Variants in ENTPD1 observed in about 807,000 individuals in gnomAD.
ENTPD1 encodes ATP diphosphohydrolase.
A neutral mutation model predicts 57.0 loss-of-function variants in ENTPD1; 33 were observed. That is an observed-to-expected ratio of 0.58 (90% CI 0.44 to 0.77). The LOEUF (loss-of-function observed/expected upper bound fraction) is 0.77, where lower values mean the gene tolerates loss of function less well. Ranked by LOEUF, ENTPD1 falls within the 30% of genes least tolerant of loss-of-function variation. ENTPD1 has a pLI of 0.00. For missense variants in ENTPD1, 501 were observed against 603.4 expected, an observed-to-expected ratio of 0.83 and a Z score of 1.78; for synonymous variants, 202 against 218.8, an observed-to-expected ratio of 0.92 and a Z score of 0.68.
intron 1 of ENTPD1, among the ~76,000 whole-genome samples, chr10:95,817,360 AG>A (rs2098333516): frequency 6.6e-6 from 1 of 152,176 alleles, no homozygotes; most frequent in Admixed American, 6.5e-5. Flanking sequence ...TCATTTGAGT[AG>A]CCTCAGCACA....
intron 3 of ENTPD1, among the ~76,000 whole-genome samples, chr10:95,840,402 G>T (rs1267101211): frequency 6.6e-6 from 1 of 152,192 alleles, no homozygotes; most frequent in African/African-American, 2.4e-5. Flanking sequence ...TAATCTGTCT[G>T]GTTCAGAGAT....
chr10:95,857,596 C>A (rs139497041), intron 7 of ENTPD1, among the ~76,000 whole-genome samples: 4 of 152,292 alleles, frequency 2.6e-5, no homozygotes, highest in Non-Finnish European at 4.4e-5. Context: ...ACAGGAAGAA[C>A]TTTTCCAGGC....
intron 1 of ENTPD1, among the ~76,000 whole-genome samples, chr10:95,771,656 T>C (rs915502098): frequency 1.3e-5 from 2 of 152,198 alleles, no homozygotes; most frequent in Non-Finnish European, 2.9e-5. Flanking sequence ...TGGCTCCCAC[T>C]TATCCCAAAC....
At chr10:95,709,393 G>GT (rs2097963812), upstream of ENTPD1, among the ~76,000 whole-genome samples, 1 of 149,668 alleles carries the variant, frequency 6.7e-6, no homozygotes. Flanking sequence ...TTTTTTCTTT[G>GT]TTTTTTTGAG....
intron 7 of ENTPD1, among the ~76,000 whole-genome samples, chr10:95,858,184 G>A (rs1344734908): frequency 2.0e-5 from 3 of 151,910 alleles, no homozygotes; most frequent in Admixed American, 1.3e-4. Flanking sequence ...TAACTGCTGG[G>A]AGGAAAGAGA....
Position 95,870,464 on chromosome 10 carries a change from A to G in ENTPD1, c.*4081A>G. ...TGTCTAGCTATTTTTTTTTCTGTAG[A>G]GACAGGGTTTTCCTATGTTGTCCAG... is the stretch of plus-strand genomic sequence containing the variant. On this transcript the variant is annotated 3_prime_UTR_variant, in exon 10 of 10. Transcript: ENST00000371205. 1.3e-6 allele frequency: 1 copy of G among 763,338 alleles called. No homozygotes were observed. Among genetic ancestry groups the G allele is most frequent in the Non-Finnish European group, 1.6e-6 (1 of 627,846 alleles). 47.3% of individuals were successfully genotyped at this position (763,338 alleles called of 1,614,324 possible).
rs985392428 is a variant in ENTPD1 at position 95,841,437 on chromosome 10, G to A, written c.263-907G>A. On this transcript the variant is annotated intron_variant, in intron 3 of 9. Transcript: ENST00000371205. ...TTCTTCTGAGACTTATCCCATGAGC[G>A]TTTGGCCTAACAATGAAGGATTCTT... 8.5e-5 allele frequency among the ~76,000 whole-genome samples: 13 copies of A among 152,096 alleles called. No homozygotes were observed. In the East Asian group the frequency reaches 1.4e-3, roughly 16 times the overall value.
At chr10:95,806,797 T>A (rs1050880922) in intron 1 of ENTPD1, among the ~76,000 whole-genome samples, 1 of 152,086 alleles carries the variant, frequency 6.6e-6, no homozygotes, top group Admixed American at 6.5e-5. Context: ...CAGACCCTGT[T>A]TGTCTGGGTA....
chr10:95,791,263 T>C lies in ENTPD1; in HGVS notation c.17-31974T>C, dbSNP rs2098202601. Among the ~76,000 whole-genome samples the C allele has an allele frequency of 6.6e-6, 1 of 152,130 alleles. No homozygotes were observed. Among genetic ancestry groups the C allele is most frequent in the Non-Finnish European group, 1.5e-5 (1 of 68,016 alleles). The stretch of plus-strand genomic sequence containing the variant: ...ATCTGCTATATTCAGTTCAGAGCAA[T>C]GTATTTTGAGAAGGACATTACAAAC... On this transcript the variant is annotated intron_variant, in intron 1 of 9. Transcript: ENST00000371205. The surrounding 1 kb of genome is among the most constrained non-coding windows in gnomAD (Gnocchi z 4.1).
At chr10:95,715,762 T>A (rs551331052) in intron 1 of ENTPD1, among the ~76,000 whole-genome samples, 2 of 152,318 alleles carry the variant, frequency 1.3e-5, no homozygotes, top group East Asian at 3.9e-4. Flanking sequence ...CATTATCTAA[T>A]TTCAGAACAT....
intron 1 of ENTPD1, among the ~76,000 whole-genome samples, chr10:95,775,471 A>C (rs190416120): frequency 0.034 from 5,145 of 152,296 alleles, 120 homozygotes; most frequent in Non-Finnish European, 0.049. Context: ...TGGGTTTGTC[A>C]TAAATAGCTC....
chr10:95,809,347 G>GC (rs1291963444), intron 1 of ENTPD1, among the ~76,000 whole-genome samples: 80 of 148,230 alleles, frequency 5.4e-4, no homozygotes, highest in Middle Eastern at 3.6e-3. Flanking sequence ...GGGCAGAGGC[G>GC]CCCCCCACCC....
intron 7 of ENTPD1, among the ~76,000 whole-genome samples, chr10:95,849,821 A>T (rs763796324): frequency 6.6e-6 from 1 of 152,182 alleles, no homozygotes; most frequent in Non-Finnish European, 1.5e-5. Context: ...TTCACCTTGG[A>T]CTTTTTTTTG....
intron 1 of ENTPD1, among the ~76,000 whole-genome samples, chr10:95,734,359 C>T (rs1345963199): frequency 2.0e-5 from 3 of 152,144 alleles, no homozygotes; most frequent in African/African-American, 7.2e-5. Context: ...ATTTTTTGGA[C>T]ACCTATATGT....
At position 95,876,656 on chromosome 10, in the gene ENTPD1, C is replaced by G; in HGVS notation, c.*10273C>G. On this transcript the variant is annotated 3_prime_UTR_variant, in exon 10 of 10. Coordinates refer to ENST00000371205, the MANE Select transcript of ENTPD1 (RefSeq NM_001776.6). ...TGTATTTGGCTGTCTTCTGGACAGG[C>G]CATTCTAATAACAGAAACAAACAAG... 7 of 1,227,054 alleles carry G rather than the reference C, an allele frequency of 5.7e-6. No homozygotes were observed. Among genetic ancestry groups the G allele is most frequent in the Non-Finnish European group, 7.1e-6 (7 of 985,366 alleles). The allele number at this position is 1,227,054 out of a possible 1,614,324, so 76.0% of individuals were successfully genotyped here. A position where few individuals can be genotyped will look rare whatever the true frequency, so the allele number is the denominator to read the frequency against.
intron 1 of ENTPD1, among the ~76,000 whole-genome samples, chr10:95,818,143 G>T (rs138601027): frequency 6.6e-6 from 1 of 152,226 alleles, no homozygotes; most frequent in East Asian, 1.9e-4. Flanking sequence ...GAGAATGAGG[G>T]GAATGGAATT....
At chr10:95,824,742 T>C (rs1308677392) in intron 2 of ENTPD1, among the ~76,000 whole-genome samples, 1 of 152,204 alleles carries the variant, frequency 6.6e-6, no homozygotes, top group Non-Finnish European at 1.5e-5. Context: ...CCCAAGAATA[T>C]GTGTGGTCAT....
At chr10:95,701,624 G>A in the ENTPD1 span, among the ~76,000 whole-genome samples, 1 of 151,480 alleles carries the variant, frequency 6.6e-6, no homozygotes, top group African/African-American at 2.4e-5. Context: ...TAAGCAAATA[G>A]TACTAATTAT....
At chr10:95,762,303 C>T (rs2098068213) in intron 1 of ENTPD1, among the ~76,000 whole-genome samples, 1 of 149,696 alleles carries the variant, frequency 6.7e-6, no homozygotes, top group East Asian at 2.0e-4. Flanking sequence ...TAACATAGCA[C>T]ATGCCCATTA....
Sources: allele counts gnomAD v4.1 joint callset (sites outside exome capture counted in the v4.1 genomes callset), GRCh38; gene constraint gnomAD v4.1.1; non-coding constraint Gnocchi (gnomAD v3.1); transcripts MANE v1.5; gene names NCBI Gene and HGNC (gene_info 2026-07-23, HGNC 2026-07-21).